The following KIF24 variants were observed in gnomAD, a reference collection of about 807,000 sequenced individuals.
KIF24 encodes kinesin family member 24.
KIF24 carries 81 observed loss-of-function variants against 118.9 expected under a neutral mutation model. That is an observed-to-expected ratio of 0.68 (90% CI 0.57 to 0.82). KIF24 has a LOEUF of 0.82. KIF24 is among the 40% of genes least tolerant of loss of function. KIF24 has a pLI of 0.00. For synonymous variants in KIF24, 599 were observed against 610.0 expected, an observed-to-expected ratio of 0.98 and a Z score of 0.27; for missense variants, 1,560 against 1,661.6, an observed-to-expected ratio of 0.94 and a Z score of 1.06.
At chr9:34,317,427 T>A (rs1837365795) in intron 1 of KIF24, among the ~76,000 whole-genome samples, 1 of 152,148 alleles carries the variant, frequency 6.6e-6, no homozygotes. Context: ...TTGTTGTTTT[T>A]AGATTGACAA....
chr9:34,332,372 T>G (rs1563971672), upstream of KIF24, among the ~76,000 whole-genome samples: 1 of 152,198 alleles, frequency 6.6e-6, no homozygotes, highest in Non-Finnish European at 1.5e-5. Flanking sequence ...CATCTTACGT[T>G]GCACAAAACA....
At chr9:34,305,533 G>C (rs370651400) in intron 3 of KIF24, among the ~76,000 whole-genome samples, 1 of 152,232 alleles carries the variant, frequency 6.6e-6, no homozygotes, top group East Asian at 1.9e-4. Flanking sequence ...GAAATCAACT[G>C]TGTGACATCT....
At chr9:34,261,559 T>C (rs1428886043) in intron 9 of KIF24, among the ~76,000 whole-genome samples, 1 of 152,242 alleles carries the variant, frequency 6.6e-6, no homozygotes, top group African/African-American at 2.4e-5. Context: ...AAACAGAAAG[T>C]GGTCATACAG....
At position 34,257,075 on chromosome 9, in the gene KIF24, T is replaced by C. The variant is rs762935416; in HGVS notation, c.2532A>G (p.Gln844=). Residue 844 remains glutamine (Q), a synonymous_variant, in exon 11 of 13, where the codon CAA becomes CAG. Transcript: ENST00000402558. Reference sequence around the variant, plus strand: ...CTTCGCTATTCTCCAGGGTGTTCCTTTGCTTTGTGGCCCTCTGACTAGAGA... The same window carrying C: ...CTTCGCTATTCTCCAGGGTGTTCCTCTGCTTTGTGGCCCTCTGACTAGAGA... ...SHISSQRATK[Q]RNTLENSEDS... 6.2e-7 allele frequency: 1 copy of C among 1,614,040 alleles called. No homozygotes were observed. Among genetic ancestry groups the C allele is most frequent in the South Asian group, 1.1e-5 (1 of 91,090 alleles).
chr9:34,254,275 G>T lies in KIF24; in HGVS notation c.*105C>A. On this transcript the variant is annotated 3_prime_UTR_variant, in exon 13 of 13. Transcript: ENST00000402558. ...ACGCTAGCATAGGCAGGACCAGCGT[G>T]TGGGTTCTGGTGTGTGCAGGGAGGA... The T allele has an allele frequency of 7.8e-7, 1 of 1,278,030 alleles. No individual in the cohort carries two copies. The highest frequency in any genetic ancestry group is 1.0e-6 in the Non-Finnish European group (1 of 960,252). 79.2% of individuals were successfully genotyped at this position (1,278,030 alleles called of 1,614,324 possible). A position where few individuals can be genotyped will look rare whatever the true frequency, so the allele number is the denominator to read the frequency against.
rs563931381 is a variant in KIF24, at chr9:34,292,674, A to G, written c.912-2285T>C. Reference sequence around the variant, plus strand: ...GAACCATAGAAATGTGAGAATCAAGACATGGGAGTTAATTAGATGTAAGCT... The same window carrying G: ...GAACCATAGAAATGTGAGAATCAAGGCATGGGAGTTAATTAGATGTAAGCT... On this transcript the variant is annotated intron_variant, in intron 4 of 12. Coordinates refer to ENST00000402558, the MANE Select transcript of KIF24 (RefSeq NM_194313.4). Among the ~76,000 whole-genome samples, 8 of 152,344 alleles carry G rather than the reference A, an allele frequency of 5.3e-5. 1 individual carries two copies. The East Asian group carries it at 1.5e-3, about 29-fold the overall frequency.
chr9:34,300,879 A>G (rs952848840), intron 3 of KIF24, among the ~76,000 whole-genome samples: 1 of 150,154 alleles, frequency 6.7e-6, no homozygotes, highest in African/African-American at 2.4e-5. Context: ...AAAAAAGAAA[A>G]AACCCACAAC....
chr9:34,326,766 A>G (rs117984174), intron 1 of KIF24, among the ~76,000 whole-genome samples: 1,774 of 152,270 alleles, frequency 0.012, 14 homozygotes, highest in Non-Finnish European at 0.018. Flanking sequence ...GGCCACATAA[A>G]AGTGTCTGAA....
intron 1 of KIF24, chr9:34,319,119 A>C: frequency 1.4e-6 from 2 of 1,455,608 alleles, no homozygotes; most frequent in South Asian, 2.3e-5. Context: ...GTGATGCACC[A>C]GACAGGCCTC....
intron 1 of KIF24, among the ~76,000 whole-genome samples, chr9:34,312,431 T>C (rs113326175): frequency 1.3e-5 from 2 of 152,194 alleles, no homozygotes; most frequent in African/African-American, 4.8e-5. Context: ...TATCCAAAAG[T>C]AAATACAGTA....
chr9:34,308,464 A>C (rs1461976131), intron 2 of KIF24, among the ~76,000 whole-genome samples: 2 of 151,236 alleles, frequency 1.3e-5, no homozygotes, highest in East Asian at 3.9e-4. Flanking sequence ...TTGTATTTTT[A>C]GTAGAGATGG....
chr9:34,325,709 T>C (rs1234448570), intron 1 of KIF24, among the ~76,000 whole-genome samples: 1 of 151,834 alleles, frequency 6.6e-6, no homozygotes, highest in East Asian at 1.9e-4. Context: ...TATAAATAAA[T>C]AAATAAAAGA....
intron 1 of KIF24, among the ~76,000 whole-genome samples, chr9:34,326,257 T>C (rs545725595): frequency 6.6e-6 from 1 of 151,904 alleles, no homozygotes; most frequent in Admixed American, 6.6e-5. Context: ...GGGGCTGAGG[T>C]GGGAGGATTG....
intron 3 of KIF24, among the ~76,000 whole-genome samples, chr9:34,305,868 A>T (rs1836894983): frequency 6.6e-6 from 1 of 152,186 alleles, no homozygotes; most frequent in Non-Finnish European, 1.5e-5. Flanking sequence ...AGCCTCCCAA[A>T]GCACTGGGAT....
chr9:34,287,000 G>A (rs1460745680), intron 5 of KIF24, among the ~76,000 whole-genome samples: 4 of 152,216 alleles, frequency 2.6e-5, no homozygotes, highest in Non-Finnish European at 5.9e-5. Context: ...TTGTTCAGAG[G>A]TGGATATGGG....
intron 4 of KIF24, among the ~76,000 whole-genome samples, chr9:34,291,232 C>T (rs973468349): frequency 1.3e-5 from 2 of 152,076 alleles, no homozygotes; most frequent in African/African-American, 2.4e-5. Context: ...AGGAATTGGG[C>T]TGGGCCTTGA....
intron 5 of KIF24, among the ~76,000 whole-genome samples, chr9:34,289,742 T>C (rs1224659355): frequency 1.3e-5 from 2 of 152,236 alleles, no homozygotes; most frequent in African/African-American, 4.8e-5. Flanking sequence ...TTTCTTCTTA[T>C]TGATTTCAGA....
At chr9:34,296,354 A>G (rs12377295) in intron 4 of KIF24, among the ~76,000 whole-genome samples, 71,189 of 149,224 alleles carry the variant, frequency 0.48, 19,781 homozygotes, top group South Asian at 0.64. Flanking sequence ...GTGAAACCCC[A>G]TCTCTACTAA....
intron 4 of KIF24, among the ~76,000 whole-genome samples, chr9:34,291,556 G>A (rs944660616): frequency 3.3e-5 from 5 of 152,196 alleles, no homozygotes; most frequent in Non-Finnish European, 7.3e-5. Context: ...GGTTACATGT[G>A]TGCGTACACA....
Sources: gnomAD v4.1 joint callset for allele counts (sites outside exome capture counted in the v4.1 genomes callset) on GRCh38, gnomAD v4.1.1 for gene constraint, MANE v1.5 for transcripts, NCBI Gene and HGNC (gene_info 2026-07-23, HGNC 2026-07-21) for gene names.